SNPH: variants seen among roughly 807,000 people sequenced by gnomAD.
SNPH encodes the protein syntaphilin.
SNPH carries 10 observed loss-of-function variants against 36.8 expected under a neutral mutation model. The ratio of observed to expected loss-of-function variants is 0.27; its 90% CI spans 0.17 to 0.46. SNPH has a LOEUF of 0.46. Ranked by LOEUF, SNPH falls within the 20% of genes least tolerant of loss-of-function variation. The pLI, the probability that SNPH is intolerant of heterozygous loss-of-function variation, is 1.00. For synonymous variants in SNPH, 281 were observed against 312.2 expected (o/e 0.90, Z 1.05); for missense variants, 622 against 744.0 (o/e 0.84, Z 1.91).
At chr20:1,267,294 G>T (rs1568535273) in intron 2 of SNPH, among the ~76,000 whole-genome samples, 1 of 152,196 alleles carries the variant, frequency 6.6e-6, no homozygotes, top group South Asian at 2.1e-4. Flanking sequence ...GCTTCCCTGG[G>T]ATGTGAAGCC....
At chr20:1,273,830 A>G (rs933325690) in intron 2 of SNPH, among the ~76,000 whole-genome samples, 1 of 152,170 alleles carries the variant, frequency 6.6e-6, no homozygotes, top group Non-Finnish European at 1.5e-5. Flanking sequence ...CACTTAGCAT[A>G]TGTTATCCTT....
intron 2 of SNPH, among the ~76,000 whole-genome samples, chr20:1,280,290 G>A (rs1260438559): frequency 6.6e-6 from 1 of 152,244 alleles, no homozygotes; most frequent in Non-Finnish European, 1.5e-5. Flanking sequence ...GGGGATGTGT[G>A]TAAACAGCCT....
chr20:1,300,465 G>A lies in SNPH; in HGVS notation c.291-97G>A, dbSNP rs117549063. On this transcript the variant is annotated intron_variant, in intron 5 of 6. Coordinates refer to ENST00000381867, the MANE Select transcript of SNPH (RefSeq NM_001318234.2). ...TGGCTTGGAGCATCTGGTGGCCAGGGATGGTGAGGCTGGTGTCCCCTTGCT... is the reference window on the plus strand; with the variant it reads ...TGGCTTGGAGCATCTGGTGGCCAGGAATGGTGAGGCTGGTGTCCCCTTGCT... 2.0e-5 allele frequency: 27 copies of A among 1,340,626 alleles called. No individual in the cohort carries two copies. In the East Asian group the frequency reaches 5.1e-4, roughly 25 times the overall value. The allele number at this position is 1,340,626 out of a possible 1,614,324, so 83.0% of individuals were successfully genotyped here. A position where few individuals can be genotyped will look rare whatever the true frequency, so the allele number is the denominator to read the frequency against.
At chr20:1,268,117 G>A (rs2088029991) in intron 2 of SNPH, among the ~76,000 whole-genome samples, 1 of 152,208 alleles carries the variant, frequency 6.6e-6, no homozygotes, top group Admixed American at 6.5e-5. Flanking sequence ...CAGGGGTAAT[G>A]AATGCTGAAG....
intron 2 of SNPH, among the ~76,000 whole-genome samples, chr20:1,269,706 G>A (rs142227662): frequency 5.9e-5 from 9 of 152,306 alleles, no homozygotes; most frequent in Non-Finnish European, 1.0e-4. Context: ...TTCACCGTGA[G>A]CCCTGCTTTG....
At chr20:1,289,743 C>T (rs1341194467) in intron 2 of SNPH, among the ~76,000 whole-genome samples, 3 of 151,516 alleles carry the variant, frequency 2.0e-5, no homozygotes, top group Non-Finnish European at 2.9e-5. Flanking sequence ...GCAGAAGGAT[C>T]GCATGAGCTC....
chr20:1,293,791 G>A (rs1238483969), intron 2 of SNPH, among the ~76,000 whole-genome samples: 1 of 152,188 alleles, frequency 6.6e-6, no homozygotes, highest in Non-Finnish European at 1.5e-5. Context: ...CCAGGCCAGG[G>A]AGGAAGGAAG....
intron 2 of SNPH, among the ~76,000 whole-genome samples, chr20:1,272,284 A>T (rs2088081884): frequency 6.6e-6 from 1 of 152,186 alleles, no homozygotes; most frequent in African/African-American, 2.4e-5. Context: ...AAACTGGGAA[A>T]TGATGTTGTC....
intron 2 of SNPH, among the ~76,000 whole-genome samples, chr20:1,269,285 G>A (rs1439097171): frequency 6.6e-6 from 1 of 152,148 alleles, no homozygotes; most frequent in Non-Finnish European, 1.5e-5. Context: ...ACATTCTGTC[G>A]AGTGGATTTT....
chr20:1,280,413 G>A (rs1021831855), intron 2 of SNPH, among the ~76,000 whole-genome samples: 2 of 152,216 alleles, frequency 1.3e-5, no homozygotes, highest in Non-Finnish European at 2.9e-5. Context: ...GAAGAGGCTT[G>A]GGAGAGCTTT....
At chr20:1,300,419 T>A in intron 5 of SNPH, 143 bp from the exon 6 acceptor site, 1 of 803,294 alleles carries the variant, frequency 1.2e-6, no homozygotes, top group Admixed American at 2.3e-5. Flanking sequence ...CTGGGGGTTC[T>A]CCTGCCTTGT....
chr20:1,305,372 T>C lies in SNPH; in HGVS notation c.935T>C (p.Val312Ala). The C allele has an allele frequency of 1.2e-6, 2 of 1,612,574 alleles. No individual in the cohort carries two copies. The highest frequency in any genetic ancestry group is 1.7e-6 in the Non-Finnish European group (2 of 1,179,954). Residue 312 changes from valine to alanine, a missense_variant, in exon 7 of 7, where the codon GTG becomes GCG. Val to Ala is a moderately conservative substitution (Grantham distance 64). This residue lies in a region of SNPH where 379 missense variants were observed against 427.9 expected (regional missense o/e 0.89). Transcript: ENST00000381867. ...GCCAGCAGCCTGCTGTCGTCGGGGG[T>C]GGACTGTGGCACCGAGGAGACCTCG... ...LEASSLLSSG[V>A]DCGTEETSLH... is the part of the protein sequence containing the mutation.
chr20:1,306,161 T>C lies in SNPH; in HGVS notation c.*107T>C, dbSNP rs960133793. On this transcript the variant is annotated 3_prime_UTR_variant, in exon 7 of 7. Coordinates refer to ENST00000381867, the MANE Select transcript of SNPH (RefSeq NM_001318234.2). ...ATCATCTTATTTATTTAGTTTTGGG[T>C]GTGGAACTGTTTCTTTTTTTCAAGA... is the stretch of plus-strand genomic sequence containing the variant. The C allele has an allele frequency of 2.6e-5, 25 of 973,498 alleles. No homozygotes were observed. In the African/African-American group the frequency reaches 3.4e-4, roughly 13 times the overall value. 60.3% of individuals were successfully genotyped at this position (973,498 alleles called of 1,614,324 possible).
chr20:1,305,025 C>G lies in SNPH; in HGVS notation c.588C>G (p.Val196=). 1 of 1,614,080 alleles carries G rather than the reference C, an allele frequency of 6.2e-7. No individual in the cohort carries two copies. Among genetic ancestry groups the G allele is most frequent in the Non-Finnish European group, 8.5e-7 (1 of 1,180,042 alleles). Residue 196 remains valine (V), a synonymous_variant, in exon 7 of 7, where the codon GTC becomes GTG. Coordinates refer to ENST00000381867, the MANE Select transcript of SNPH (RefSeq NM_001318234.2). ...IKQLKQVIDT[V]KNNLIDKDKG... ...AGCTCAAGCAGGTCATCGACACTGTCAAGAACAACCTGATTGACAAGGACA... is the reference window on the plus strand; with the variant it reads ...AGCTCAAGCAGGTCATCGACACTGTGAAGAACAACCTGATTGACAAGGACA...
At chr20:1,281,713 C>A (rs1210391221) in intron 2 of SNPH, among the ~76,000 whole-genome samples, 1 of 152,258 alleles carries the variant, frequency 6.6e-6, no homozygotes, top group Non-Finnish European at 1.5e-5. Context: ...TGCAGAGAAG[C>A]CCCTCTCTCT....
At chr20:1,284,350 T>G (rs1189464649) in intron 2 of SNPH, among the ~76,000 whole-genome samples, 1 of 152,190 alleles carries the variant, frequency 6.6e-6, no homozygotes, top group Non-Finnish European at 1.5e-5. Context: ...CCCTTATTCA[T>G]TCAGCAAAGA....
In SNPH at chr20:1,285,182, G is replaced by T. The variant is rs2088270536; in HGVS notation, c.-492-9769G>T. Among the ~76,000 whole-genome samples, 1 of 152,194 alleles carries T rather than the reference G, an allele frequency of 6.6e-6. No homozygotes were observed. The highest frequency in any genetic ancestry group is 1.5e-5 in the Non-Finnish European group (1 of 68,036). The stretch of plus-strand genomic sequence containing the variant: ...GCCATTAACTGAAATGAGGGAAGCT[G>T]CAGAAAAACAGATTTTTAAGGCAAA... On this transcript the variant is annotated intron_variant, in intron 2 of 6. Coordinates refer to ENST00000381867, the MANE Select transcript of SNPH (RefSeq NM_001318234.2). The surrounding 1 kb of genome is among the most constrained non-coding windows in gnomAD (Gnocchi z 4.9).
rs185696465 is a variant in SNPH, at chr20:1,286,193, A to C, written c.-492-8758A>C. Among the ~76,000 whole-genome samples, 50 of 152,224 alleles carry C rather than the reference A, an allele frequency of 3.3e-4. No individual in the cohort carries two copies. The South Asian group carries it at 5.8e-3, about 18-fold the overall frequency. The stretch of plus-strand genomic sequence containing the variant: ...CATTTTAGAATGCTTCACTTTGGCT[A>C]AATTAAGAGGTAGGGCAGCTTCTCC... On this transcript the variant is annotated intron_variant, in intron 2 of 6. Coordinates refer to ENST00000381867, the MANE Select transcript of SNPH (RefSeq NM_001318234.2).
At chr20:1,292,651 T>G (rs2122370668) in intron 2 of SNPH, among the ~76,000 whole-genome samples, 1 of 152,318 alleles carries the variant, frequency 6.6e-6, no homozygotes, top group East Asian at 1.9e-4. Flanking sequence ...TTGCATGGCT[T>G]CCTGTTGCCC....
Sources: allele counts gnomAD v4.1 joint callset (sites outside exome capture counted in the v4.1 genomes callset), GRCh38; gene constraint gnomAD v4.1.1; regional missense constraint gnomAD v4.1.1; non-coding constraint Gnocchi (gnomAD v3.1); transcripts MANE v1.5; gene names NCBI Gene and HGNC (gene_info 2026-07-23, HGNC 2026-07-21).